Variants in FOXO1 observed in about 807,000 individuals in gnomAD.
The protein encoded by FOXO1 is forkhead box protein O1.
Under a neutral mutation model 44.1 loss-of-function variants are expected in FOXO1, and 6 were observed. The observed-to-expected ratio is 0.14, with a 90% CI of 0.07 to 0.27. FOXO1 has a LOEUF of 0.27. Among genes scored for constraint, FOXO1 ranks in the 10% least tolerant of loss-of-function variants. The pLI, the probability that FOXO1 is intolerant of heterozygous loss-of-function variation, is 1.00. For synonymous variants in FOXO1, 380 were observed against 362.7 expected (o/e 1.05, Z -0.54); for missense variants, 737 against 888.8 (o/e 0.83, Z 2.17).
intron 1 of FOXO1, among the ~76,000 whole-genome samples, chr13:40,574,200 G>C (rs1240218245): frequency 6.6e-6 from 1 of 152,168 alleles, no homozygotes; most frequent in Non-Finnish European, 1.5e-5. Context: ...CCTGCTGTTA[G>C]TTTTCCACCA....
intron 1 of FOXO1, among the ~76,000 whole-genome samples, chr13:40,597,334 C>T (rs530970641): frequency 9.1e-4 from 138 of 152,178 alleles, no homozygotes; most frequent in Admixed American, 2.7e-3. Context: ...AGCCTTGGAG[C>T]CTGTTCTCTT....
chr13:40,559,066 CAT>C (rs1416730208), intron 2 of FOXO1, 32 bp from the exon 3 acceptor site: 7 of 402,558 alleles, frequency 1.7e-5, no homozygotes, highest in Non-Finnish European at 3.1e-5. Context: ...CGCACACACA[CAT>C]ACACACACAA....
chr13:40,633,338 A>G (rs1003279042), intron 1 of FOXO1, among the ~76,000 whole-genome samples: 17 of 152,370 alleles, frequency 1.1e-4, no homozygotes, highest in African/African-American at 4.1e-4. Context: ...TATTAATAAC[A>G]GCAATAATTT....
At chr13:40,632,483 C>G (rs187485445) in intron 1 of FOXO1, among the ~76,000 whole-genome samples, 9 of 151,294 alleles carry the variant, frequency 5.9e-5, no homozygotes, top group Non-Finnish European at 1.0e-4. Context: ...ACTAAAAACA[C>G]AAAAATTAGC....
At chr13:40,660,777 G>C (rs1488800596) in intron 1 of FOXO1, among the ~76,000 whole-genome samples, 1 of 151,976 alleles carries the variant, frequency 6.6e-6, no homozygotes, top group Non-Finnish European at 1.5e-5. Context: ...TCAAGTGTTT[G>C]TCACTTAAAA....
chr13:40,644,861 T>C lies in FOXO1; in HGVS notation c.630+20722A>G, dbSNP rs181085287. Among the ~76,000 whole-genome samples the C allele has an allele frequency of 2.6e-5, 4 of 152,312 alleles. No individual in the cohort carries two copies. The East Asian group carries it at 7.7e-4, about 29-fold the overall frequency. On this transcript the variant is annotated intron_variant, in intron 1 of 2. Coordinates refer to ENST00000379561, the MANE Select transcript of FOXO1 (RefSeq NM_002015.4). ...ATATTCTCTAAGCCAGAAGTTAAAATTAAGAACTTCAGAATGTGAAGGCAG... is the reference window on the plus strand; with the variant it reads ...ATATTCTCTAAGCCAGAAGTTAAAACTAAGAACTTCAGAATGTGAAGGCAG...
intron 1 of FOXO1, among the ~76,000 whole-genome samples, chr13:40,601,953 T>C (rs951238120): frequency 6.6e-6 from 1 of 152,224 alleles, no homozygotes; most frequent in African/African-American, 2.4e-5. Context: ...GGTACTATGT[T>C]ATCAATAATA....
chr13:40,582,137 A>G (rs993627901), intron 1 of FOXO1, among the ~76,000 whole-genome samples: 2 of 152,260 alleles, frequency 1.3e-5, no homozygotes, highest in African/African-American at 4.8e-5. Context: ...AAATATCACA[A>G]TAAAGTAAAA....
Position 40,622,988 on chromosome 13 carries a change from C to G in FOXO1, c.630+42595G>C, listed in dbSNP as rs763202290. Among the ~76,000 whole-genome samples, 18 of 152,298 alleles carry G rather than the reference C, an allele frequency of 1.2e-4. 2 individuals are homozygous for G. Among genetic ancestry groups the G allele is most frequent in the South Asian group, 1.0e-3 (5 of 4,830 alleles). The stretch of plus-strand genomic sequence containing the variant: ...TGCCAATCATTTCATGACTGCAAGT[C>G]TGCTATGGCAACACACTTATACAGC... On this transcript the variant is annotated intron_variant, in intron 1 of 2. Coordinates refer to ENST00000379561, the MANE Select transcript of FOXO1 (RefSeq NM_002015.4).
chr13:40,568,037 T>C (rs921426441), intron 1 of FOXO1, among the ~76,000 whole-genome samples: 2 of 152,212 alleles, frequency 1.3e-5, no homozygotes, highest in African/African-American at 2.4e-5. Flanking sequence ...CAGGAATCCA[T>C]AGCAGCTGAA....
intron 1 of FOXO1, chr13:40,619,499 T>G (rs1018203049): frequency 3.0e-6 from 4 of 1,330,844 alleles, no homozygotes; most frequent in Non-Finnish European, 4.3e-6. Context: ...CGGTTTAGTT[T>G]GGAAATCCAC....
intron 1 of FOXO1, among the ~76,000 whole-genome samples, chr13:40,602,477 G>C (rs1212110016): frequency 1.3e-5 from 2 of 152,122 alleles, no homozygotes; most frequent in Non-Finnish European, 2.9e-5. Context: ...TCCCTTAGGG[G>C]ATTAAATGTG....
At chr13:40,635,520 C>T (rs142210355) in intron 1 of FOXO1, among the ~76,000 whole-genome samples, 177 of 152,302 alleles carry the variant, frequency 1.2e-3, no homozygotes, top group Middle Eastern at 6.8e-3. Flanking sequence ...TCATCCTGGT[C>T]AGTTTTGCTT....
chr13:40,580,245 T>C (rs1874906397), intron 1 of FOXO1, among the ~76,000 whole-genome samples: 1 of 152,228 alleles, frequency 6.6e-6, no homozygotes. Flanking sequence ...ATATATATAA[T>C]GTTTATACAA....
chr13:40,595,938 A>ATTTT lies in FOXO1; in HGVS notation c.631-35082_631-35079dup, dbSNP rs71080387. Among the ~76,000 whole-genome samples the ATTTT allele has an allele frequency of 1.7e-3, 218 of 130,828 alleles. 2 individuals carry two copies. The highest frequency in any genetic ancestry group is 5.9e-3 in the African/African-American group (205 of 34,906). 85.8% of individuals were successfully genotyped at this position (130,828 alleles called of 152,430 possible). On this transcript the variant is annotated intron_variant, in intron 1 of 2. Coordinates refer to ENST00000379561, the MANE Select transcript of FOXO1 (RefSeq NM_002015.4). ...GTAGGCCCTGTAGAAATGTCAGCTA[A>ATTTT]TTTTTTTTTTTTTTTTTTTTGCGGG...
chr13:40,559,782 A>G lies in FOXO1; in HGVS notation c.1709T>C (p.Met570Thr). Reference protein sequence around the residue: ...TPVQVPLPHPMQMSALGGYSS... With the variant: ...TPVQVPLPHPTQMSALGGYSS... ...GTAGCCCCCCAGGGCACTCATCTGC[A>G]TGGGGTGGGGCAGAGGCACTTGTAC... is the stretch of plus-strand genomic sequence containing the variant. The change falls in exon 2 of 3, where the codon ATG (methionine) becomes ACG (threonine). Residue 570 changes from methionine (M) to threonine (T), a missense_variant. This residue lies in a region of FOXO1 where 283 missense variants were observed against 278.1 expected (regional missense o/e 1.02). Coordinates refer to ENST00000379561, the MANE Select transcript of FOXO1 (RefSeq NM_002015.4). 6.2e-7 allele frequency: 1 copy of G among 1,613,578 alleles called. No homozygotes were observed.
At chr13:40,575,045 A>G (rs1874690487) in intron 1 of FOXO1, among the ~76,000 whole-genome samples, 1 of 152,058 alleles carries the variant, frequency 6.6e-6, no homozygotes, top group Admixed American at 6.6e-5. Context: ...TAAAAGGACC[A>G]TTTGGGCCAG....
At chr13:40,657,793 C>T (rs1362207656) in intron 1 of FOXO1, among the ~76,000 whole-genome samples, 1 of 152,152 alleles carries the variant, frequency 6.6e-6, no homozygotes, top group African/African-American at 2.4e-5. Flanking sequence ...CTCAAAAACA[C>T]CTAGCACATC....
chr13:40,620,084 T>A, intron 1 of FOXO1: 1 of 1,019,414 alleles, frequency 9.8e-7, no homozygotes, highest in South Asian at 1.4e-5. Flanking sequence ...ATAACTCAAG[T>A]CTTTTTAGAG....
Sources: gnomAD v4.1 joint callset for allele counts (sites outside exome capture counted in the v4.1 genomes callset) on GRCh38, gnomAD v4.1.1 for gene constraint, gnomAD v4.1.1 regional missense constraint, MANE v1.5 for transcripts, NCBI Gene and HGNC (gene_info 2026-07-23, HGNC 2026-07-21) for gene names.